SEMA6D: variants seen among roughly 807,000 people sequenced by gnomAD.
SEMA6D encodes semaphorin 6D, also known as semaphorin-6D.
In SEMA6D, 35 loss-of-function variants were observed where a neutral mutation model predicts 106.6. That is an observed-to-expected ratio of 0.33 (90% CI 0.25 to 0.44). The LOEUF (loss-of-function observed/expected upper bound fraction) is 0.44, where lower values mean the gene tolerates loss of function less well. Among genes scored for constraint, SEMA6D ranks in the 20% least tolerant of loss-of-function variants. The pLI, the probability that SEMA6D is intolerant of heterozygous loss-of-function variation, is 1.00. For synonymous variants in SEMA6D, 499 were observed against 487.7 expected (o/e 1.02, Z -0.31); for missense variants, 1,185 against 1,345.9 (o/e 0.88, Z 1.87).
chr15:47,739,386 G>C (rs752780534), intron 1 of SEMA6D, among the ~76,000 whole-genome samples: 12 of 152,138 alleles, frequency 7.9e-5, no homozygotes, highest in Admixed American at 6.6e-5. Context: ...AATTCGGCCA[G>C]GTGCCTCTTG....
intron 2 of SEMA6D, among the ~76,000 whole-genome samples, chr15:47,428,773 A>G (rs566474445): frequency 6.6e-6 from 1 of 152,194 alleles, no homozygotes; most frequent in East Asian, 1.9e-4. Flanking sequence ...CAAGGAAAAA[A>G]AAAAGTGGGT....
At chr15:47,253,898 G>A (rs1477085851) in intron 1 of SEMA6D, among the ~76,000 whole-genome samples, 1 of 152,126 alleles carries the variant, frequency 6.6e-6, no homozygotes, top group Admixed American at 6.5e-5. Flanking sequence ...GAACGTCGTT[G>A]ATACTTTGAC....
chr15:47,501,935 C>A (rs1362613230), intron 3 of SEMA6D, among the ~76,000 whole-genome samples: 1 of 152,074 alleles, frequency 6.6e-6, no homozygotes, highest in African/African-American at 2.4e-5. Context: ...AACCTCTGGC[C>A]TGTAGATCTT....
intron 4 of SEMA6D, among the ~76,000 whole-genome samples, chr15:47,682,587 A>G (rs1314407403): frequency 6.6e-6 from 1 of 152,196 alleles, no homozygotes; most frequent in African/African-American, 2.4e-5. Flanking sequence ...TTCCCTCTTT[A>G]TTAGCCCATT....
chr15:47,520,440 A>G (rs544812277), intron 3 of SEMA6D, among the ~76,000 whole-genome samples: 7 of 152,336 alleles, frequency 4.6e-5, no homozygotes, highest in Admixed American at 2.6e-4. Context: ...ATGAGAGAAC[A>G]TAAGATGGAT....
chr15:47,540,665 C>T (rs1452993718), intron 3 of SEMA6D, among the ~76,000 whole-genome samples: 12 of 152,120 alleles, frequency 7.9e-5, no homozygotes, highest in Non-Finnish European at 4.4e-5. Flanking sequence ...TCAGGGAGTG[C>T]ACCATCTCAT....
intron 3 of SEMA6D, among the ~76,000 whole-genome samples, chr15:47,583,928 GACA>G (rs1185400476): frequency 1.3e-5 from 2 of 152,102 alleles, no homozygotes; most frequent in Non-Finnish European, 2.9e-5. Flanking sequence ...ATGTCTTTAG[GACA>G]CAATGAGCAA....
intron 1 of SEMA6D, among the ~76,000 whole-genome samples, chr15:47,243,782 G>T (rs962027204): frequency 6.6e-6 from 1 of 152,096 alleles, no homozygotes; most frequent in Non-Finnish European, 1.5e-5. Context: ...GAGTGTTCTT[G>T]TTGAGTGCAC....
intron 1 of SEMA6D, among the ~76,000 whole-genome samples, chr15:47,194,182 G>T (rs970733299): frequency 2.6e-5 from 4 of 151,942 alleles, no homozygotes; most frequent in African/African-American, 9.7e-5. Flanking sequence ...TAAGATCATG[G>T]AATTGTATTT....
chr15:47,643,417 C>G (rs994193908), intron 4 of SEMA6D, among the ~76,000 whole-genome samples: 2 of 152,154 alleles, frequency 1.3e-5, no homozygotes, highest in Non-Finnish European at 1.5e-5. Flanking sequence ...GGCTTAGCTA[C>G]AAGCTTCAAA....
chr15:47,688,351 G>A lies in SEMA6D; in HGVS notation c.-54-71394G>A, dbSNP rs143174834. On this transcript the variant is annotated intron_variant, in intron 4 of 19. Transcript: ENST00000558014. ...CCTGGTGATGAGAAGGCTGAAAACC[G>A]AGATAAAACCTAAAAAATATTGAAT... Among the ~76,000 whole-genome samples, 21 of 152,184 alleles carry A rather than the reference G, an allele frequency of 1.4e-4. 1 individual carries two copies. The highest frequency in any genetic ancestry group is 4.6e-4 in the African/African-American group (19 of 41,532).
rs1328227133 is a variant in SEMA6D, at chr15:47,773,943, A to T, written c.*2158A>T. On this transcript the variant is annotated 3_prime_UTR_variant, in exon 19 of 19. Coordinates refer to ENST00000536845, the MANE Select transcript of SEMA6D (RefSeq NM_001358351.3). ...TGTAGTTTGTAATGTGAGTTCAATC[A>T]GTATTTATGTTGAAATTTCTAACAT... is the stretch of plus-strand genomic sequence containing the variant. 2 of 152,648 alleles carry T rather than the reference A, an allele frequency of 1.3e-5. No individual in the cohort carries two copies. The highest frequency in any genetic ancestry group is 2.9e-5 in the Non-Finnish European group (2 of 68,036). 9.5% of individuals were successfully genotyped at this position (152,648 alleles called of 1,614,324 possible). A position where few individuals can be genotyped will look rare whatever the true frequency, so the allele number is the denominator to read the frequency against.
chr15:47,276,745 C>A (rs2034836330), intron 1 of SEMA6D, among the ~76,000 whole-genome samples: 1 of 152,054 alleles, frequency 6.6e-6, no homozygotes, highest in Non-Finnish European at 1.5e-5. Flanking sequence ...ATTCTGTGGC[C>A]CATGGATCAA....
intron 3 of SEMA6D, among the ~76,000 whole-genome samples, chr15:47,501,614 A>G (rs1018309286): frequency 8.5e-5 from 13 of 152,130 alleles, no homozygotes; most frequent in Non-Finnish European, 1.9e-4. Context: ...ACTTCCTCTC[A>G]TTTAGGAAGA....
intron 3 of SEMA6D, among the ~76,000 whole-genome samples, chr15:47,582,040 C>A (rs1276473225): frequency 6.6e-6 from 1 of 152,198 alleles, no homozygotes; most frequent in African/African-American, 2.4e-5. Context: ...TGATATTGGA[C>A]AGAAGTCCAG....
intron 4 of SEMA6D, among the ~76,000 whole-genome samples, chr15:47,636,520 A>G (rs909887805): frequency 6.6e-6 from 1 of 152,062 alleles, no homozygotes; most frequent in African/African-American, 2.4e-5. Context: ...ATCAGGGTGG[A>G]CCTGTTCTCT....
chr15:47,713,800 G>T (rs1011356105), upstream of SEMA6D, among the ~76,000 whole-genome samples: 2 of 152,224 alleles, frequency 1.3e-5, no homozygotes, highest in African/African-American at 4.8e-5. Context: ...ATAAGAAAAT[G>T]AAGGAGATGG....
At chr15:47,492,058 G>T (rs932083579) in intron 3 of SEMA6D, among the ~76,000 whole-genome samples, 1 of 152,138 alleles carries the variant, frequency 6.6e-6, no homozygotes, top group African/African-American at 2.4e-5. Flanking sequence ...CAAGAAGATG[G>T]TAACTTCCCA....
intron 1 of SEMA6D, among the ~76,000 whole-genome samples, chr15:47,192,648 ATACTG>A (rs1370894603): frequency 4.6e-5 from 7 of 152,202 alleles, no homozygotes; most frequent in African/African-American, 1.4e-4. Flanking sequence ...AAATAAAACA[ATACTG>A]TACAGAGTAT....
Sources: gnomAD v4.1 joint callset for allele counts (sites outside exome capture counted in the v4.1 genomes callset) on GRCh38, gnomAD v4.1.1 for gene constraint, MANE v1.5 for transcripts, NCBI Gene and HGNC (gene_info 2026-07-23, HGNC 2026-07-21) for gene names.